The following NRXN3 variants were observed in gnomAD, a reference collection of about 807,000 sequenced individuals.
The protein encoded by NRXN3 is neurexin III.
In NRXN3, 32 loss-of-function variants were observed where a neutral mutation model predicts 137.6. The observed-to-expected ratio is 0.23, with a 90% confidence interval of 0.18 to 0.31. The LOEUF is 0.31. Among genes scored for constraint, NRXN3 ranks in the 10% least tolerant of loss-of-function variants. The probability of loss-of-function intolerance (pLI) is 1.00; values close to 1 mark genes in which losing one functional copy is unlikely to be tolerated. For synonymous variants in NRXN3, 798 were observed against 784.5 expected (o/e 1.02, Z -0.29); for missense variants, 1,574 against 2,062.5 (o/e 0.76, Z 4.59).
intron 16 of NRXN3, among the ~76,000 whole-genome samples, chr14:79,649,324 T>C (rs144409046): frequency 2.0e-5 from 3 of 152,260 alleles, no homozygotes; most frequent in African/African-American, 7.2e-5. Flanking sequence ...ACTGTTCATC[T>C]AAACAGCTAA....
intron 16 of NRXN3, among the ~76,000 whole-genome samples, chr14:79,497,939 C>G (rs1458244982): frequency 1.3e-5 from 2 of 152,112 alleles, no homozygotes; most frequent in Non-Finnish European, 2.9e-5. Flanking sequence ...AAGGCTGAGG[C>G]AAGAGAATCA....
At chr14:79,239,723 T>C (rs948824947) in intron 15 of NRXN3, among the ~76,000 whole-genome samples, 5 of 152,126 alleles carry the variant, frequency 3.3e-5, no homozygotes, top group African/African-American at 1.2e-4. Context: ...GCAGCAGTAT[T>C]CACAATAGCC....
chr14:78,692,080 G>C (rs2098176517), intron 6 of NRXN3, among the ~76,000 whole-genome samples: 1 of 152,032 alleles, frequency 6.6e-6, no homozygotes. Flanking sequence ...ACTTTGTTTG[G>C]AGGTAGAAAC....
chr14:79,756,162 C>A (rs1408868603), intron 19 of NRXN3, among the ~76,000 whole-genome samples: 2 of 152,076 alleles, frequency 1.3e-5, no homozygotes, highest in African/African-American at 4.8e-5. Context: ...GTACCCAGAG[C>A]CAAGTTAAAT....
chr14:78,182,532 C>T (rs755944591), intron 1 of NRXN3, among the ~76,000 whole-genome samples: 13 of 152,200 alleles, frequency 8.5e-5, no homozygotes, highest in Non-Finnish European at 1.5e-4. Flanking sequence ...TGCAATGGCG[C>T]GATCTTGGCT....
chr14:79,115,063 C>T (rs548052619), intron 15 of NRXN3, among the ~76,000 whole-genome samples: 199 of 152,206 alleles, frequency 1.3e-3, no homozygotes, highest in African/African-American at 4.3e-3. Context: ...CGGTGGCTCA[C>T]GCCTGTAATC....
intron 19 of NRXN3, among the ~76,000 whole-genome samples, chr14:79,736,399 G>T (rs990413221): frequency 6.6e-6 from 1 of 152,130 alleles, no homozygotes; most frequent in African/African-American, 2.4e-5. Flanking sequence ...ACTGGTATTA[G>T]GCTTGTAGAA....
chr14:79,747,385 T>A (rs2098982929), intron 19 of NRXN3, among the ~76,000 whole-genome samples: 1 of 152,080 alleles, frequency 6.6e-6, no homozygotes, highest in Admixed American at 6.6e-5. Context: ...TGGAAAAAAG[T>A]AGATTGGAAG....
At chr14:79,088,658 G>A (rs895267199) in intron 15 of NRXN3, among the ~76,000 whole-genome samples, 1 of 152,028 alleles carries the variant, frequency 6.6e-6, no homozygotes, top group Admixed American at 6.6e-5. Context: ...TTCAAAGTTT[G>A]TATAAAAAAG....
intron 15 of NRXN3, among the ~76,000 whole-genome samples, chr14:79,155,901 G>A (rs1000618689): frequency 1.3e-5 from 2 of 151,578 alleles, no homozygotes; most frequent in African/African-American, 4.8e-5. Flanking sequence ...ATAAACATTG[G>A]GGTCATCATC....
chr14:78,902,201 T>G (rs2099198840), intron 10 of NRXN3, among the ~76,000 whole-genome samples: 1 of 152,102 alleles, frequency 6.6e-6, no homozygotes, highest in East Asian at 1.9e-4. Flanking sequence ...TTGTGCAGAA[T>G]CTCACATCCG....
chr14:78,390,487 T>TCCAAGTGG (rs958514510), intron 4 of NRXN3, among the ~76,000 whole-genome samples: 2 of 152,218 alleles, frequency 1.3e-5, no homozygotes, highest in African/African-American at 4.8e-5. Context: ...CCCCACTCAT[T>TCCAAGTGG]CCAAGTGGGA....
chr14:79,598,767 C>A (rs933522209), intron 16 of NRXN3, among the ~76,000 whole-genome samples: 2 of 152,134 alleles, frequency 1.3e-5, no homozygotes, highest in Non-Finnish European at 2.9e-5. Context: ...AGAGACAGAA[C>A]ACATCTCTTG....
intron 4 of NRXN3, among the ~76,000 whole-genome samples, chr14:78,523,868 T>C (rs1216250537): frequency 1.5e-5 from 2 of 135,044 alleles, no homozygotes; most frequent in Admixed American, 7.5e-5. Context: ...GTGTGACCCA[T>C]AGTTCAGACT....
At chr14:79,590,893 T>C (rs2097797396) in intron 16 of NRXN3, among the ~76,000 whole-genome samples, 1 of 152,228 alleles carries the variant, frequency 6.6e-6, no homozygotes, top group Non-Finnish European at 1.5e-5. Flanking sequence ...TCTGGCACTT[T>C]TGCCACTATG....
At chr14:79,622,647 A>G (rs2098236975) in intron 16 of NRXN3, among the ~76,000 whole-genome samples, 1 of 151,892 alleles carries the variant, frequency 6.6e-6, no homozygotes, top group Non-Finnish European at 1.5e-5. Flanking sequence ...CCCAGGCTGG[A>G]GTGTAATGGC....
chr14:79,158,435 A>C (rs2060457027), intron 15 of NRXN3, among the ~76,000 whole-genome samples: 1 of 151,870 alleles, frequency 6.6e-6, no homozygotes, highest in Non-Finnish European at 1.5e-5. Context: ...ATGAAGCTTC[A>C]GGTTTTTATG....
chr14:79,198,082 G>T (rs888632130), intron 15 of NRXN3, among the ~76,000 whole-genome samples: 1 of 151,894 alleles, frequency 6.6e-6, no homozygotes, highest in Non-Finnish European at 1.5e-5. Flanking sequence ...CCATCTTCAG[G>T]TTCCACTTCT....
intron 8 of NRXN3, among the ~76,000 whole-genome samples, chr14:78,776,810 G>T (rs1279742405): frequency 6.6e-6 from 1 of 152,162 alleles, no homozygotes; most frequent in South Asian, 2.1e-4. Context: ...TCAACCCAGA[G>T]GTTCTCAAAC....
Sources: gnomAD v4.1 joint callset for allele counts (sites outside exome capture counted in the v4.1 genomes callset) on GRCh38, gnomAD v4.1.1 for gene constraint, MANE v1.5 for transcripts, NCBI Gene and HGNC (gene_info 2026-07-23, HGNC 2026-07-21) for gene names.